The following ZMAT4 variants were observed in gnomAD, a reference collection of about 807,000 sequenced individuals.
ZMAT4 encodes the protein zinc finger matrin-type protein 4.
In ZMAT4, 17 loss-of-function variants were observed where a neutral mutation model predicts 28.7. The ratio of observed to expected loss-of-function variants is 0.59; its 90% CI spans 0.41 to 0.89. ZMAT4 has a LOEUF of 0.89. Among genes scored for constraint, ZMAT4 ranks in the 40% least tolerant of loss-of-function variants. The pLI, the probability that ZMAT4 is intolerant of heterozygous loss-of-function variation, is 0.00. For missense variants in ZMAT4, 240 were observed against 283.8 expected, an observed-to-expected ratio of 0.85 and a Z score of 1.11; for synonymous variants, 117 against 109.2, an observed-to-expected ratio of 1.07 and a Z score of -0.44.
chr8:40,575,907 C>G (rs1585705155), intron 6 of ZMAT4, among the ~76,000 whole-genome samples: 1 of 151,728 alleles, frequency 6.6e-6, no homozygotes, highest in East Asian at 1.9e-4. Context: ...GACAATTCAA[C>G]AAAATTGGAA....
chr8:40,692,068 G>T (rs769704315), intron 4 of ZMAT4, among the ~76,000 whole-genome samples: 2 of 152,140 alleles, frequency 1.3e-5, no homozygotes, highest in African/African-American at 4.8e-5. Flanking sequence ...ACACTTAACT[G>T]CCTATTATTA....
At chr8:40,735,619 G>A (rs561207120) in intron 3 of ZMAT4, among the ~76,000 whole-genome samples, 4 of 152,242 alleles carry the variant, frequency 2.6e-5, no homozygotes, top group African/African-American at 9.6e-5. Context: ...TGAGGAAACA[G>A]GTTTTGTGTT....
intron 2 of ZMAT4, among the ~76,000 whole-genome samples, chr8:40,776,295 T>C (rs1038684155): frequency 6.6e-6 from 1 of 152,178 alleles, no homozygotes; most frequent in East Asian, 1.9e-4. Context: ...ACACTTACCA[T>C]AAAAAGTATT....
chr8:40,855,167 C>A (rs1193642726), intron 1 of ZMAT4, among the ~76,000 whole-genome samples: 1 of 152,198 alleles, frequency 6.6e-6, no homozygotes, highest in Non-Finnish European at 1.5e-5. Context: ...CACCTGCCCA[C>A]TTAACTTAGG....
chr8:40,561,478 A>T (rs1803737608), intron 6 of ZMAT4, among the ~76,000 whole-genome samples: 1 of 152,052 alleles, frequency 6.6e-6, no homozygotes, highest in Non-Finnish European at 1.5e-5. Flanking sequence ...CAGAACTACC[A>T]CTTTATTGAG....
chr8:40,722,323 G>C (rs573114198), intron 3 of ZMAT4, among the ~76,000 whole-genome samples: 1 of 152,188 alleles, frequency 6.6e-6, no homozygotes, highest in African/African-American at 2.4e-5. Context: ...GAGGGTGGAG[G>C]TTTCCTACAC....
chr8:40,847,214 CAAACA>C (rs1459578854), intron 1 of ZMAT4, among the ~76,000 whole-genome samples: 9 of 99,592 alleles, frequency 9.0e-5, no homozygotes, highest in African/African-American at 1.3e-4. Context: ...AAAAAACAAA[CAAACA>C]AAAAAAAAAA....
rs1026664528 is a variant in ZMAT4 at position 40,639,541 on chromosome 8, T to C, written c.577+35163A>G. Among the ~76,000 whole-genome samples, 6 of 152,150 alleles carry C rather than the reference T, an allele frequency of 3.9e-5. No homozygotes were observed. In the East Asian group the frequency reaches 1.2e-3, roughly 29 times the overall value. Reference sequence around the variant, plus strand: ...GACAAAAATCTCATTTTTCTTGGGGTCAAAGTAAAGTTGGATTTTTCCAAA... The same window carrying C: ...GACAAAAATCTCATTTTTCTTGGGGCCAAAGTAAAGTTGGATTTTTCCAAA... On this transcript the variant is annotated intron_variant, in intron 5 of 6. Coordinates refer to ENST00000297737, the MANE Select transcript of ZMAT4 (RefSeq NM_024645.3).
intron 3 of ZMAT4, among the ~76,000 whole-genome samples, chr8:40,704,530 C>T (rs1324876154): frequency 6.6e-6 from 1 of 152,190 alleles, no homozygotes; most frequent in Non-Finnish European, 1.5e-5. Context: ...TTTGGTCCTG[C>T]CCTTTAATTG....
chr8:40,732,689 CCAA>C lies in ZMAT4; in HGVS notation c.192+34949_192+34951del, dbSNP rs929612361. ...GAGCAAGCATGACTGATACTGGTGT[CCAA>C]CGTTATGGGGTAGGCCTTCATCATC... is the stretch of plus-strand genomic sequence containing the variant. On this transcript the variant is annotated intron_variant, in intron 3 of 6. Coordinates refer to ENST00000297737, the MANE Select transcript of ZMAT4 (RefSeq NM_024645.3). Among the ~76,000 whole-genome samples, 11 of 152,256 alleles carry C rather than the reference CCAA, an allele frequency of 7.2e-5. No individual in the cohort carries two copies. The East Asian group carries it at 2.1e-3, about 29-fold the overall frequency.
At chr8:40,722,481 A>G (rs1374668006) in intron 3 of ZMAT4, among the ~76,000 whole-genome samples, 2 of 152,190 alleles carry the variant, frequency 1.3e-5, no homozygotes, top group Admixed American at 1.3e-4. Flanking sequence ...CCACTTCCCC[A>G]GCTTTATTAT....
At chr8:40,817,114 G>C (rs1815571430) in intron 2 of ZMAT4, among the ~76,000 whole-genome samples, 1 of 152,116 alleles carries the variant, frequency 6.6e-6, no homozygotes, top group Non-Finnish European at 1.5e-5. Context: ...CATGGGTAAG[G>C]AAGCATTAAA....
Position 40,886,967 on chromosome 8 carries a change from C to G in ZMAT4, c.-5+10716G>C, listed in dbSNP as rs13265471. ...CGGGCAGAACACGAGGTCAGGAGAT[C>G]GAGACCAACCTGGCTAACATGGTGA... On this transcript the variant is annotated intron_variant, in intron 1 of 6. Coordinates refer to ENST00000297737, the MANE Select transcript of ZMAT4 (RefSeq NM_024645.3). Among the ~76,000 whole-genome samples the G allele has an allele frequency of 4.0e-3, 606 of 152,008 alleles. 6 individuals are homozygous for G. The highest frequency in any genetic ancestry group is 6.3e-3 in the Non-Finnish European group (430 of 67,982).
At chr8:40,651,384 C>G (rs920372336) in intron 5 of ZMAT4, among the ~76,000 whole-genome samples, 7 of 151,858 alleles carry the variant, frequency 4.6e-5, no homozygotes, top group African/African-American at 1.7e-4. Flanking sequence ...TGTGAAGGAC[C>G]TCTTCAAGGA....
chr8:40,581,036 G>A (rs369315850), intron 6 of ZMAT4, 129 bp downstream of exon 6: 15 of 673,636 alleles, frequency 2.2e-5, no homozygotes, highest in East Asian at 1.1e-4. Context: ...AATATCATGT[G>A]AACTTTGAAG....
intron 2 of ZMAT4, among the ~76,000 whole-genome samples, chr8:40,817,325 G>A (rs1265518181): frequency 1.3e-5 from 2 of 152,170 alleles, no homozygotes; most frequent in Admixed American, 6.5e-5. Flanking sequence ...GACTATGAAT[G>A]CTGGCAGTCC....
chr8:40,611,821 A>G (rs1189760802), intron 5 of ZMAT4, among the ~76,000 whole-genome samples: 1 of 152,232 alleles, frequency 6.6e-6, no homozygotes, highest in East Asian at 1.9e-4. Flanking sequence ...GAATGTTCAA[A>G]TAGTTTCTCA....
At chr8:40,790,324 T>C (rs554741075) in intron 2 of ZMAT4, among the ~76,000 whole-genome samples, 1 of 152,338 alleles carries the variant, frequency 6.6e-6, no homozygotes, top group East Asian at 1.9e-4. Flanking sequence ...TAAAAGCTTC[T>C]AGATCTAATC....
At chr8:40,547,996 G>T (rs1237818094) in intron 6 of ZMAT4, among the ~76,000 whole-genome samples, 1 of 152,184 alleles carries the variant, frequency 6.6e-6, no homozygotes, top group Non-Finnish European at 1.5e-5. Context: ...TTGGCATGTG[G>T]TTGTCAGGGG....
Sources: allele counts gnomAD v4.1 joint callset (sites outside exome capture counted in the v4.1 genomes callset), GRCh38; gene constraint gnomAD v4.1.1; transcripts MANE v1.5; gene names NCBI Gene and HGNC (gene_info 2026-07-23, HGNC 2026-07-21).